The following INTS4 variants were observed in gnomAD, a reference collection of about 807,000 sequenced individuals.
The protein encoded by INTS4 is integrator complex subunit 4.
In INTS4, 70 loss-of-function variants were observed where a neutral mutation model predicts 119.5. The ratio of observed to expected loss-of-function variants is 0.59; its 90% confidence interval spans 0.48 to 0.71. INTS4 has a LOEUF of 0.71. INTS4 is among the 30% of genes least tolerant of loss of function. The pLI is 0.00. For synonymous variants in INTS4, 316 were observed against 419.6 expected, an observed-to-expected ratio of 0.75 and a Z score of 3.02; for missense variants, 867 against 1,173.2, an observed-to-expected ratio of 0.74 and a Z score of 3.81.
intron 4 of INTS4, among the ~76,000 whole-genome samples, chr11:77,968,514 T>C (rs551309191): frequency 3.9e-5 from 6 of 152,310 alleles, no homozygotes; most frequent in East Asian, 1.9e-4. Flanking sequence ...GGAGTTATTG[T>C]TTAATGGGTA....
chr11:77,895,287 T>C (rs1384179965), intron 18 of INTS4, among the ~76,000 whole-genome samples: 1 of 152,004 alleles, frequency 6.6e-6, no homozygotes, highest in Non-Finnish European at 1.5e-5. Flanking sequence ...GGAATAAAGT[T>C]CCCACCAAGA....
intron 4 of INTS4, among the ~76,000 whole-genome samples, chr11:77,975,942 C>A (rs189488915): frequency 8.9e-5 from 13 of 146,714 alleles, no homozygotes; most frequent in African/African-American, 3.2e-4. Flanking sequence ...GGTGACAGAG[C>A]GAGACTCTAT....
chr11:77,970,356 A>G (rs1389113031), intron 4 of INTS4, among the ~76,000 whole-genome samples: 1 of 151,816 alleles, frequency 6.6e-6, no homozygotes, highest in Non-Finnish European at 1.5e-5. Context: ...CCAAGATCGC[A>G]CCACTGCACT....
intron 11 of INTS4, 67 bp downstream of exon 11, chr11:77,928,275 A>G: frequency 1.3e-6 from 2 of 1,548,548 alleles, no homozygotes; most frequent in South Asian, 1.1e-5. Context: ...AATGCCTAGC[A>G]CAATACCTGA....
chr11:77,959,445 A>C (rs548260534), intron 6 of INTS4, among the ~76,000 whole-genome samples: 15 of 152,026 alleles, frequency 9.9e-5, no homozygotes, highest in Non-Finnish European at 1.5e-4. Context: ...TAAATTCTAC[A>C]CTATCAGTCC....
chr11:77,941,241 T>A lies in INTS4; in HGVS notation c.929A>T (p.Glu310Val). 6.2e-7 allele frequency: 1 copy of A among 1,608,900 alleles called. No homozygotes were observed. The highest frequency in any genetic ancestry group is 8.5e-7 in the Non-Finnish European group (1 of 1,178,748). Residue 310 changes from glutamate to valine, a missense_variant, in exon 9 of 23, where the codon GAG becomes GTG. Physicochemically the swap from Glu to Val is moderately radical, Grantham distance 121. Transcript: ENST00000534064. ...CTCCAAGAAATGAGAACTGACTTGC[T>A]CCATAGAGCCCTATAAAAAGAAAAA... Reference protein sequence around the residue: ...VQAAKLLGSMEQVSSHFLEQT... With the variant: ...VQAAKLLGSMVQVSSHFLEQT...
intron 15 of INTS4, among the ~76,000 whole-genome samples, chr11:77,909,978 C>T (rs1462980346): frequency 6.6e-6 from 1 of 152,080 alleles, no homozygotes; most frequent in Non-Finnish European, 1.5e-5. Flanking sequence ...AATAGGAACA[C>T]TTTTACACTG....
At chr11:77,908,381 T>A (rs1032514100) in intron 15 of INTS4, among the ~76,000 whole-genome samples, 3 of 150,406 alleles carry the variant, frequency 2.0e-5, no homozygotes, top group African/African-American at 7.4e-5. Context: ...CAGACTGGAG[T>A]ACAGTGGCGT....
intron 18 of INTS4, among the ~76,000 whole-genome samples, chr11:77,898,506 A>G (rs1415348692): frequency 5.3e-5 from 8 of 152,198 alleles, no homozygotes; most frequent in Non-Finnish European, 5.9e-5. Context: ...ACAAAAGCAT[A>G]CTAAAATCTT....
intron 21 of INTS4, among the ~76,000 whole-genome samples, chr11:77,890,194 A>T (rs1330141857): frequency 1.3e-5 from 2 of 152,220 alleles, no homozygotes; most frequent in African/African-American, 2.4e-5. Context: ...ATACAACTTC[A>T]CAGCTAGCTC....
intron 4 of INTS4, among the ~76,000 whole-genome samples, chr11:77,970,959 C>G (rs891442769): frequency 7.2e-5 from 11 of 152,062 alleles, no homozygotes; most frequent in Admixed American, 1.3e-4. Flanking sequence ...AGGCGCCCAC[C>G]ACCATGCCTG....
At chr11:77,931,165 C>T (rs560504919) in intron 10 of INTS4, among the ~76,000 whole-genome samples, 19 of 152,014 alleles carry the variant, frequency 1.2e-4, no homozygotes, top group Non-Finnish European at 2.2e-4. Flanking sequence ...ATATGTGATC[C>T]CTAAAAACAA....
chr11:77,991,306 G>A lies in INTS4; in HGVS notation c.55-7C>T. The A allele has an allele frequency of 1.9e-6, 3 of 1,599,130 alleles. No homozygotes were observed. The highest frequency in any genetic ancestry group is 2.6e-6 in the Non-Finnish European group (3 of 1,170,522). ...TAGCAATTTCCTCCTGTGGCTGCAA[G>A]GGGTAGAGAAAATCGAAAACACAGA... is the stretch of plus-strand genomic sequence containing the variant. On this transcript the variant is annotated splice_polypyrimidine_tract_variant and splice_region_variant and intron_variant, in intron 1 of 22. Coordinates refer to ENST00000534064, the MANE Select transcript of INTS4 (RefSeq NM_033547.4).
chr11:77,902,045 A>AGATCAAGTCCCC (rs1001356429), intron 17 of INTS4, among the ~76,000 whole-genome samples: 4 of 152,224 alleles, frequency 2.6e-5, no homozygotes, highest in Non-Finnish European at 4.4e-5. Flanking sequence ...CTATGACCCC[A>AGATCAAGTCCCC]GATCAAGTCC....
intron 8 of INTS4, among the ~76,000 whole-genome samples, chr11:77,943,189 C>T (rs1953969649): frequency 6.6e-6 from 1 of 152,132 alleles, no homozygotes; most frequent in South Asian, 2.1e-4. Flanking sequence ...CAACTGCGCG[C>T]TCGTCCAACA....
chr11:77,963,374 A>AC (rs1491136942), intron 4 of INTS4: 1 of 299,460 alleles, frequency 3.3e-6, no homozygotes, highest in Admixed American at 4.6e-5. Context: ...AAAAAAAAAA[A>AC]CAAAAAAAAC....
intron 16 of INTS4, among the ~76,000 whole-genome samples, chr11:77,905,497 TG>T (rs1441602006): frequency 6.6e-6 from 1 of 151,742 alleles, no homozygotes; most frequent in African/African-American, 2.4e-5. Context: ...ACGGACTCTC[TG>T]GGTTCTGCTG....
chr11:77,886,185 C>G (rs759014068), intron 21 of INTS4, among the ~76,000 whole-genome samples: 2 of 152,010 alleles, frequency 1.3e-5, no homozygotes, highest in Admixed American at 6.6e-5. Flanking sequence ...GCCCAGGCAA[C>G]AGACAGAGAC....
intron 4 of INTS4, among the ~76,000 whole-genome samples, chr11:77,965,899 T>C (rs963945888): frequency 6.6e-6 from 1 of 152,238 alleles, no homozygotes; most frequent in African/African-American, 2.4e-5. Flanking sequence ...GAGACCTTCA[T>C]CTTGTTTTCC....
Sources: allele counts gnomAD v4.1 joint callset (sites outside exome capture counted in the v4.1 genomes callset), GRCh38; gene constraint gnomAD v4.1.1; transcripts MANE v1.5; gene names NCBI Gene and HGNC (gene_info 2026-07-23, HGNC 2026-07-21).